The following KALRN variants were observed in gnomAD, a reference collection of about 807,000 sequenced individuals.
KALRN encodes kalirin.
Under a neutral mutation model 353.7 loss-of-function variants are expected in KALRN, and 70 were observed. The ratio of observed to expected loss-of-function variants is 0.20; its 90% CI spans 0.16 to 0.24. The LOEUF (loss-of-function observed/expected upper bound fraction) is 0.24, where lower values mean the gene tolerates loss of function less well. KALRN is among the 10% of genes least tolerant of loss of function. KALRN has a pLI of 1.00. For missense variants in KALRN, 2,791 were observed against 3,756.7 expected, an observed-to-expected ratio of 0.74 and a Z score of 6.72; for synonymous variants, 1,391 against 1,434.8, an observed-to-expected ratio of 0.97 and a Z score of 0.69.
chr3:124,561,622 C>T (rs946298557), intron 33 of KALRN, among the ~76,000 whole-genome samples: 11 of 152,344 alleles, frequency 7.2e-5, no homozygotes, highest in Admixed American at 6.5e-4. Context: ...CATATTTGGA[C>T]AAGTGCACTA....
In KALRN at chr3:124,495,965, G is replaced by GTGTATATA. The variant is rs1239001137; in HGVS notation, c.4833-345_4833-344insGTATATAT. On this transcript the variant is annotated intron_variant, in intron 32 of 59. Coordinates refer to ENST00000682506, the MANE Select transcript of KALRN (RefSeq NM_001388419.1). Reference sequence around the variant, plus strand: ...CCCAAGTGTGTGTATGTGTATGTATGTATATATATATATATATATATATAT... The same window carrying GTGTATATA: ...CCCAAGTGTGTGTATGTGTATGTATGTGTATATATATATATATATATATATATATATAT... Among the ~76,000 whole-genome samples, 91 of 41,458 alleles carry GTGTATATA rather than the reference G, an allele frequency of 2.2e-3. 5 individuals are homozygous for GTGTATATA. Among genetic ancestry groups the GTGTATATA allele is most frequent in the Non-Finnish European group, 2.6e-3 (66 of 25,534 alleles). 27.2% of individuals were successfully genotyped at this position (41,458 alleles called of 152,430 possible). A position where few individuals can be genotyped will look rare whatever the true frequency, so the allele number is the denominator to read the frequency against.
At chr3:124,133,576 G>A (rs751368387) in intron 1 of KALRN, among the ~76,000 whole-genome samples, 3 of 152,252 alleles carry the variant, frequency 2.0e-5, no homozygotes, top group Non-Finnish European at 2.9e-5. Context: ...GGCACTGCCT[G>A]TGATTGCAGA....
intron 5 of KALRN, among the ~76,000 whole-genome samples, chr3:124,276,612 G>A (rs565523277): frequency 6.6e-6 from 1 of 152,316 alleles, no homozygotes; most frequent in South Asian, 2.1e-4. Flanking sequence ...ATTTGTCAAA[G>A]TGAAGTGCCT....
chr3:124,408,109 G>C (rs2091774635), intron 13 of KALRN, among the ~76,000 whole-genome samples: 1 of 152,170 alleles, frequency 6.6e-6, no homozygotes, highest in Non-Finnish European at 1.5e-5. Flanking sequence ...AATACTGGAG[G>C]AAGGCAGTGC....
chr3:124,132,865 T>G (rs1162463567), intron 1 of KALRN: 2 of 154,252 alleles, frequency 1.3e-5, no homozygotes, highest in Non-Finnish European at 2.9e-5. Flanking sequence ...CCCCTGTCTC[T>G]TTGGGAGTTG....
chr3:124,064,847 A>G (rs1030496208), intron 1 of KALRN, among the ~76,000 whole-genome samples: 4 of 152,166 alleles, frequency 2.6e-5, no homozygotes, highest in Non-Finnish European at 1.5e-5. Context: ...GTATTCAGAC[A>G]AGGACAAGGA....
intron 10 of KALRN, among the ~76,000 whole-genome samples, chr3:124,358,920 C>T (rs1461403763): frequency 2.0e-5 from 3 of 152,130 alleles, no homozygotes; most frequent in Middle Eastern, 3.2e-3. Context: ...AAAAGAACCT[C>T]GGATGTCTCT....
At chr3:124,501,152 C>T (rs1180887682) in intron 33 of KALRN, among the ~76,000 whole-genome samples, 2 of 152,286 alleles carry the variant, frequency 1.3e-5, no homozygotes, top group South Asian at 2.1e-4. Context: ...TATAAATTTC[C>T]AGACATGTCC....
At chr3:124,648,872 T>G (rs1168294217) in intron 37 of KALRN, among the ~76,000 whole-genome samples, 1 of 152,236 alleles carries the variant, frequency 6.6e-6, no homozygotes, top group African/African-American at 2.4e-5. Flanking sequence ...TCTCATTTCC[T>G]TAATAACAGG....
intron 1 of KALRN, among the ~76,000 whole-genome samples, chr3:124,092,088 T>G (rs1216056610): frequency 1.3e-5 from 2 of 152,194 alleles, no homozygotes; most frequent in Non-Finnish European, 2.9e-5. Flanking sequence ...GCTGACCCAA[T>G]GGGCATTGCT....
chr3:124,512,581 G>A (rs2066048751), intron 33 of KALRN, among the ~76,000 whole-genome samples: 2 of 152,106 alleles, frequency 1.3e-5, no homozygotes, highest in Non-Finnish European at 2.9e-5. Context: ...AACCACAGAG[G>A]CAGAGGTTGC....
chr3:124,282,379 CTTT>C (rs34148546), intron 5 of KALRN, among the ~76,000 whole-genome samples: 3 of 134,792 alleles, frequency 2.2e-5, no homozygotes. Flanking sequence ...CTACATTTTT[CTTT>C]TTTTTTTTTT....
At chr3:124,419,024 A>T (rs2092652130) in intron 14 of KALRN, among the ~76,000 whole-genome samples, 1 of 151,710 alleles carries the variant, frequency 6.6e-6, no homozygotes, top group Admixed American at 6.6e-5. Flanking sequence ...GTGAGCTGAG[A>T]TCGCACCACT....
chr3:124,699,955 T>G lies in KALRN; in HGVS notation c.7918T>G (p.Phe2640Val). 1 of 1,614,176 alleles carries G rather than the reference T, an allele frequency of 6.2e-7. No homozygotes were observed. Among genetic ancestry groups the G allele is most frequent in the Non-Finnish European group, 8.5e-7 (1 of 1,180,026 alleles). ...CCTTAGTCCCGGGTGTCCTTATCAG[T>G]TCAGAGTCAGTGCCAGTAACCCCTG... ...EDLSPGCPYQFRVSASNPWGI... is the reference protein window; with the variant it reads ...EDLSPGCPYQVRVSASNPWGI... The change falls in exon 56 of 60, where the codon TTC becomes GTC. Residue 2640 changes from phenylalanine to valine, a missense_variant. Coordinates refer to ENST00000682506, the MANE Select transcript of KALRN (RefSeq NM_001388419.1).
intron 10 of KALRN, among the ~76,000 whole-genome samples, chr3:124,352,552 T>C (rs1212777283): frequency 2.0e-5 from 3 of 152,166 alleles, no homozygotes; most frequent in African/African-American, 7.2e-5. Flanking sequence ...AATGTAACAT[T>C]TTTGAAAGAG....
chr3:124,179,883 G>A (rs766685838), intron 1 of KALRN, among the ~76,000 whole-genome samples: 7 of 152,100 alleles, frequency 4.6e-5, no homozygotes, highest in Non-Finnish European at 7.4e-5. Flanking sequence ...ACCTAGTTTC[G>A]GACCGAGGCT....
intron 33 of KALRN, among the ~76,000 whole-genome samples, chr3:124,556,878 G>A (rs2071325558): frequency 6.6e-6 from 1 of 152,176 alleles, no homozygotes; most frequent in Non-Finnish European, 1.5e-5. Context: ...TATGAATAGG[G>A]TTGCTAAGTT....
In KALRN at chr3:124,575,394, T is replaced by A. The variant is rs188681810; in HGVS notation, c.5182+12305T>A. Among the ~76,000 whole-genome samples, 10 of 152,350 alleles carry A rather than the reference T, an allele frequency of 6.6e-5. No individual in the cohort carries two copies. The East Asian group carries it at 1.9e-3, about 29-fold the overall frequency. On this transcript the variant is annotated intron_variant, in intron 34 of 59. Transcript: ENST00000682506. Reference sequence around the variant, plus strand: ...TCAGAATGTTCCAGTGTCTCCTGTCTCATTTCCAGTAAAACGAAGTCCTTT... The same window carrying A: ...TCAGAATGTTCCAGTGTCTCCTGTCACATTTCCAGTAAAACGAAGTCCTTT...
intron 5 of KALRN, among the ~76,000 whole-genome samples, chr3:124,285,257 G>A (rs1017422960): frequency 6.6e-6 from 1 of 152,138 alleles, no homozygotes; most frequent in Non-Finnish European, 1.5e-5. Flanking sequence ...AGAAGGAGTA[G>A]TATATCCTTC....
Sources: gnomAD v4.1 joint callset for allele counts (sites outside exome capture counted in the v4.1 genomes callset) on GRCh38, gnomAD v4.1.1 for gene constraint, MANE v1.5 for transcripts, NCBI Gene and HGNC (gene_info 2026-07-23, HGNC 2026-07-21) for gene names.